Variants in PREP observed in about 807,000 individuals in gnomAD.
The protein encoded by PREP is prolyl endopeptidase.
A neutral mutation model predicts 87.6 loss-of-function variants in PREP; 29 were observed. The ratio of observed to expected loss-of-function variants is 0.33; its 90% CI spans 0.25 to 0.45. The LOEUF (loss-of-function observed/expected upper bound fraction) is 0.45. PREP is among the 20% of genes least tolerant of loss of function. PREP has a pLI of 1.00. For missense variants in PREP, 695 were observed against 886.5 expected (o/e 0.78, Z 2.74); for synonymous variants, 337 against 328.6 (o/e 1.03, Z -0.28).
intron 4 of PREP, among the ~76,000 whole-genome samples, chr6:105,375,012 G>A (rs1316029734): frequency 1.3e-5 from 2 of 151,944 alleles, no homozygotes; most frequent in Non-Finnish European, 2.9e-5. Flanking sequence ...TTCCTATATG[G>A]GATATGTTAC....
chr6:105,379,002 T>A (rs1454470074), intron 2 of PREP, among the ~76,000 whole-genome samples: 1 of 152,204 alleles, frequency 6.6e-6, no homozygotes, highest in Non-Finnish European at 1.5e-5. Context: ...CCAAAGCTCA[T>A]TGATTACAAT....
chr6:105,323,373 A>C (rs1771065063), intron 10 of PREP, among the ~76,000 whole-genome samples: 1 of 152,128 alleles, frequency 6.6e-6, no homozygotes, highest in African/African-American at 2.4e-5. Context: ...TCAAGCAAGC[A>C]GATTGACACA....
At chr6:105,318,519 GAGA>G (rs373876026) in intron 10 of PREP, among the ~76,000 whole-genome samples, 127 of 152,290 alleles carry the variant, frequency 8.3e-4, no homozygotes, top group African/African-American at 2.9e-3. Flanking sequence ...CTGGTATCCA[GAGA>G]AGGAGAAAGG....
chr6:105,283,008 G>A (rs1213888533), intron 12 of PREP, among the ~76,000 whole-genome samples: 1 of 152,232 alleles, frequency 6.6e-6, no homozygotes, highest in Non-Finnish European at 1.5e-5. Context: ...GGAGCTGGCT[G>A]TGGGAGTGCT....
At chr6:105,285,700 A>G in intron 11 of PREP, 120 bp from the exon 12 acceptor site, 1 of 721,214 alleles carries the variant, frequency 1.4e-6, no homozygotes, top group African/African-American at 1.8e-5. Flanking sequence ...TCTCAATAGG[A>G]GCTTGACATT....
chr6:105,383,251 A>AT (rs940880095), intron 2 of PREP, among the ~76,000 whole-genome samples: 7 of 129,206 alleles, frequency 5.4e-5, no homozygotes, highest in Non-Finnish European at 9.3e-5. Flanking sequence ...AATCTCTACC[A>AT]TTAAAAAAAA....
chr6:105,329,033 G>A lies in PREP; in HGVS notation c.1016-7C>T, dbSNP rs7741007. 14,046 of 1,610,312 alleles carry A rather than the reference G, an allele frequency of 8.7e-3. 540 individuals carry two copies. The African/African-American group carries it at 0.1, about 11-fold the overall frequency. On this transcript the variant is annotated splice_region_variant and splice_polypyrimidine_tract_variant and intron_variant, in intron 8 of 14. Transcript: ENST00000652536. Reference sequence around the variant, plus strand: ...CTGACACAAGCTATCCATTCTGAAAGGATAAGAAGAGAAAAAACCTAATGC... The same window carrying A: ...CTGACACAAGCTATCCATTCTGAAAAGATAAGAAGAGAAAAAACCTAATGC...
At chr6:105,335,528 G>T (rs1257110221) in intron 7 of PREP, among the ~76,000 whole-genome samples, 1 of 152,168 alleles carries the variant, frequency 6.6e-6, no homozygotes, top group African/African-American at 2.4e-5. Context: ...TTAGTTGGGT[G>T]ACCTTGAGCA....
At chr6:105,379,199 C>T (rs892510245) in intron 2 of PREP, among the ~76,000 whole-genome samples, 1 of 152,212 alleles carries the variant, frequency 6.6e-6, no homozygotes, top group Admixed American at 6.5e-5. Flanking sequence ...TGGCAATCTT[C>T]GCCCTGGCCC....
intron 2 of PREP, among the ~76,000 whole-genome samples, chr6:105,383,211 T>A (rs1168819696): frequency 2.6e-5 from 4 of 151,024 alleles, no homozygotes; most frequent in Non-Finnish European, 4.4e-5. Context: ...TGGAATAATG[T>A]ACTTTCCAAG....
intron 10 of PREP, among the ~76,000 whole-genome samples, chr6:105,307,851 G>C (rs1234256722): frequency 6.6e-6 from 1 of 152,162 alleles, no homozygotes; most frequent in Non-Finnish European, 1.5e-5. Flanking sequence ...GATCTCAGGT[G>C]ATCTGCCCGC....
At chr6:105,393,660 T>C (rs7742408) in intron 2 of PREP, among the ~76,000 whole-genome samples, 43,393 of 151,988 alleles carry the variant, frequency 0.29, 7,763 homozygotes, top group African/African-American at 0.52. Flanking sequence ...GAAAAAAAAA[T>C]TAATTTCAAT....
intron 10 of PREP, chr6:105,302,501 C>T (rs577675690): frequency 6.7e-5 from 25 of 371,342 alleles, no homozygotes; most frequent in African/African-American, 1.3e-4. Context: ...GCTCCTTCCG[C>T]GGCTGCTGCT....
intron 2 of PREP, among the ~76,000 whole-genome samples, chr6:105,383,529 A>C (rs1384452286): frequency 6.6e-6 from 1 of 152,142 alleles, no homozygotes; most frequent in African/African-American, 2.4e-5. Flanking sequence ...TAACATAAAA[A>C]ACCCAGAGTG....
At chr6:105,282,635 T>C in intron 12 of PREP, 53 bp from the exon 13 acceptor site, 1 of 1,586,476 alleles carries the variant, frequency 6.3e-7, no homozygotes, top group African/African-American at 1.4e-5. Flanking sequence ...AAAAATAAGT[T>C]TAATCTAATG....
At chr6:105,284,248 A>C (rs574568058) in intron 12 of PREP, among the ~76,000 whole-genome samples, 6 of 152,194 alleles carry the variant, frequency 3.9e-5, no homozygotes, top group Non-Finnish European at 7.3e-5. Flanking sequence ...ACGATGGACC[A>C]GATGGCCGGC....
At chr6:105,359,604 T>C (rs911412913) in intron 6 of PREP, among the ~76,000 whole-genome samples, 3 of 152,162 alleles carry the variant, frequency 2.0e-5, no homozygotes, top group Admixed American at 6.5e-5. Context: ...GGCTGCCCTC[T>C]AGGGCTGAAG....
chr6:105,352,647 C>T (rs1296057761), intron 7 of PREP, among the ~76,000 whole-genome samples: 2 of 152,138 alleles, frequency 1.3e-5, no homozygotes, highest in Non-Finnish European at 2.9e-5. Context: ...CCACTATGCC[C>T]GGCTGCACCA....
intron 7 of PREP, among the ~76,000 whole-genome samples, chr6:105,349,289 A>C (rs1168916952): frequency 6.6e-6 from 1 of 152,206 alleles, no homozygotes; most frequent in Non-Finnish European, 1.5e-5. Context: ...GAGGCAGAGA[A>C]CAACAGAGAC....
Sources: gnomAD v4.1 joint callset for allele counts (sites outside exome capture counted in the v4.1 genomes callset) on GRCh38, gnomAD v4.1.1 for gene constraint, MANE v1.5 for transcripts, NCBI Gene and HGNC (gene_info 2026-07-23, HGNC 2026-07-21) for gene names.